The following TTC39B variants were observed in gnomAD, a reference collection of about 807,000 sequenced individuals.
TTC39B encodes the protein tetratricopeptide repeat domain 39B.
TTC39B carries 92 observed loss-of-function variants against 96.6 expected under a neutral mutation model. The observed-to-expected ratio is 0.95, with a 90% CI of 0.80 to 1.13. TTC39B has a LOEUF of 1.13. TTC39B is among the 50% of genes most tolerant of loss of function. The probability of loss-of-function intolerance (pLI) is 0.00; values close to 1 mark genes in which losing one functional copy is unlikely to be tolerated. For missense variants in TTC39B, 955 were observed against 809.3 expected (o/e 1.18, Z -2.18); for synonymous variants, 367 against 299.4 (o/e 1.23, Z -2.33).
intron 2 of TTC39B, among the ~76,000 whole-genome samples, chr9:15,261,430 G>A (rs72700662): frequency 0.052 from 7,901 of 152,064 alleles, 224 homozygotes; most frequent in East Asian, 0.071. Flanking sequence ...AGTTGAGAAC[G>A]CGCCACTACA....
chr9:15,212,192 A>T (rs1240086019), intron 4 of TTC39B, among the ~76,000 whole-genome samples: 1 of 152,238 alleles, frequency 6.6e-6, no homozygotes, highest in Non-Finnish European at 1.5e-5. Flanking sequence ...CATGCAAAAC[A>T]AATGCAAGCC....
At chr9:15,271,438 G>A (rs1017709687) in intron 1 of TTC39B, among the ~76,000 whole-genome samples, 1 of 152,166 alleles carries the variant, frequency 6.6e-6, no homozygotes, top group East Asian at 1.9e-4. Flanking sequence ...CACAGATGAT[G>A]GGGGACAGTG....
At chr9:15,242,117 C>T (rs773396558) in intron 2 of TTC39B, among the ~76,000 whole-genome samples, 8 of 152,122 alleles carry the variant, frequency 5.3e-5, no homozygotes, top group Non-Finnish European at 1.2e-4. Flanking sequence ...AGGATTGTAT[C>T]GCAGCACCTA....
At chr9:15,298,063 T>C (rs1563797709) in intron 1 of TTC39B, among the ~76,000 whole-genome samples, 1 of 152,164 alleles carries the variant, frequency 6.6e-6, no homozygotes, top group African/African-American at 2.4e-5. Flanking sequence ...AGGACCCAGA[T>C]AGAACAAGAA....
chr9:15,208,458 G>A lies in TTC39B; in HGVS notation c.691+1630C>T, dbSNP rs777209355. Among the ~76,000 whole-genome samples, 24 of 152,254 alleles carry A rather than the reference G, an allele frequency of 1.6e-4. No individual in the cohort carries two copies. In the South Asian group the frequency reaches 2.1e-3, roughly 13 times the overall value. Reference sequence around the variant, plus strand: ...GCAGAGGTCAATGGGCCACTAGAGGGAAACCATAGAGAGAGTAACAGAAAG... The same window carrying A: ...GCAGAGGTCAATGGGCCACTAGAGGAAAACCATAGAGAGAGTAACAGAAAG... On this transcript the variant is annotated intron_variant, in intron 6 of 19. Transcript: ENST00000512701.
chr9:15,284,939 C>A (rs1303087874), intron 1 of TTC39B, among the ~76,000 whole-genome samples: 1 of 152,058 alleles, frequency 6.6e-6, no homozygotes, highest in Non-Finnish European at 1.5e-5. Context: ...TAAGGTAAGA[C>A]AACATTTCAG....
chr9:15,257,201 T>C (rs1472942826), intron 2 of TTC39B, among the ~76,000 whole-genome samples: 1 of 152,222 alleles, frequency 6.6e-6, no homozygotes, highest in Non-Finnish European at 1.5e-5. Context: ...TCAATGTTAA[T>C]TTCCTGATCT....
intron 6 of TTC39B, among the ~76,000 whole-genome samples, chr9:15,209,323 T>C (rs1381163066): frequency 3.3e-5 from 5 of 152,186 alleles, no homozygotes; most frequent in African/African-American, 1.2e-4. Flanking sequence ...TTTCCTCCCA[T>C]CTATCTGATC....
In TTC39B at chr9:15,209,474, G is replaced by C. The variant is rs559571854; in HGVS notation, c.691+614C>G. 1.3e-3 allele frequency among the ~76,000 whole-genome samples: 197 copies of C among 152,246 alleles called. 2 individuals carry two copies. Among genetic ancestry groups the C allele is most frequent in the African/African-American group, 4.5e-3 (189 of 41,554 alleles). ...CTTTGAAAAAAATGTTTAATAGCTTGTGGAAAACTGAAACTCTCAAAGATG... is the reference window on the plus strand; with the variant it reads ...CTTTGAAAAAAATGTTTAATAGCTTCTGGAAAACTGAAACTCTCAAAGATG... On this transcript the variant is annotated intron_variant, in intron 6 of 19. Transcript: ENST00000512701.
chr9:15,172,243 A>T (rs1817701658), intron 19 of TTC39B, 134 bp from the exon 20 acceptor site: 2 of 464,976 alleles, frequency 4.3e-6, no homozygotes, highest in Admixed American at 3.9e-5. Flanking sequence ...TCTTAGTAAA[A>T]TGCAGATTCT....
chr9:15,210,547 A>G (rs779770017), intron 5 of TTC39B, among the ~76,000 whole-genome samples: 2 of 152,222 alleles, frequency 1.3e-5, no homozygotes, highest in Non-Finnish European at 2.9e-5. Context: ...TTACAACACA[A>G]TTACATCAGG....
At chr9:15,272,922 C>G (rs1823408465) in intron 1 of TTC39B, among the ~76,000 whole-genome samples, 1 of 152,328 alleles carries the variant, frequency 6.6e-6, no homozygotes, top group East Asian at 1.9e-4. Flanking sequence ...CCAGGGCCTG[C>G]TGCCTCCTGG....
intron 2 of TTC39B, among the ~76,000 whole-genome samples, chr9:15,228,487 G>A (rs1440961546): frequency 6.6e-6 from 1 of 152,022 alleles, no homozygotes; most frequent in Non-Finnish European, 1.5e-5. Flanking sequence ...CAGTAATAAT[G>A]AATTGGGAGG....
At chr9:15,212,425 ATTTATTTAAT>A (rs1820259767) in intron 4 of TTC39B, among the ~76,000 whole-genome samples, 2 of 150,630 alleles carry the variant, frequency 1.3e-5, no homozygotes, top group South Asian at 4.2e-4. Flanking sequence ...AAGTATTTTT[ATTTATTTAAT>A]TTTTTTTGAG....
intron 19 of TTC39B, among the ~76,000 whole-genome samples, chr9:15,174,407 G>A (rs895299578): frequency 1.3e-5 from 2 of 152,144 alleles, no homozygotes; most frequent in African/African-American, 2.4e-5. Context: ...CAGGGTTTTT[G>A]CCTTACCTAA....
intron 2 of TTC39B, among the ~76,000 whole-genome samples, chr9:15,243,358 A>G (rs983099092): frequency 9.2e-5 from 14 of 152,370 alleles, no homozygotes; most frequent in African/African-American, 3.4e-4. Context: ...AATGGGGATG[A>G]AAGTTCCAGA....
exon 15 of TTC39B, chr9:15,187,025 A>G (rs1818566931): frequency 1.2e-6 from 2 of 1,611,036 alleles, no homozygotes; most frequent in Non-Finnish European, 1.7e-6. Flanking sequence ...TTTCAAGAAC[A>G]CATAAGTTGC....
chr9:15,299,531 G>C (rs1230522843), intron 1 of TTC39B, among the ~76,000 whole-genome samples: 1 of 152,090 alleles, frequency 6.6e-6, no homozygotes, highest in Non-Finnish European at 1.5e-5. Flanking sequence ...GAAGCACAGG[G>C]GGAGAAAAGG....
At chr9:15,263,411 G>C (rs1823013426) in intron 2 of TTC39B, among the ~76,000 whole-genome samples, 1 of 152,170 alleles carries the variant, frequency 6.6e-6, no homozygotes, top group Admixed American at 6.5e-5. Flanking sequence ...GGCAAACTGG[G>C]ACTACAGTTC....
Sources: gnomAD v4.1 joint callset for allele counts (sites outside exome capture counted in the v4.1 genomes callset) on GRCh38, gnomAD v4.1.1 for gene constraint, MANE v1.5 for transcripts, NCBI Gene and HGNC (gene_info 2026-07-23, HGNC 2026-07-21) for gene names.